The following HERC2 variants were observed in gnomAD, a reference collection of about 807,000 sequenced individuals.
HERC2 encodes the protein E3 ubiquitin-protein ligase HERC2.
A neutral mutation model predicts 537.7 loss-of-function variants in HERC2; 102 were observed. The observed-to-expected ratio is 0.19, with a 90% confidence interval of 0.16 to 0.22. HERC2 has a LOEUF of 0.22. Among genes scored for constraint, HERC2 ranks in the 10% least tolerant of loss-of-function variants. The probability of loss-of-function intolerance (pLI) is 1.00; values close to 1 mark genes in which losing one functional copy is unlikely to be tolerated. For missense variants in HERC2, 4,236 were observed against 6,198.2 expected, an observed-to-expected ratio of 0.68 and a Z score of 10.63; for synonymous variants, 2,224 against 2,466.2, an observed-to-expected ratio of 0.90 and a Z score of 2.91.
At chr15:28,310,896 C>T (rs1362909943) in intron 2 of HERC2, among the ~76,000 whole-genome samples, 7 of 151,664 alleles carry the variant, frequency 4.6e-5, no homozygotes, top group Admixed American at 6.6e-5. Flanking sequence ...GCTAACACAG[C>T]GAAACCCCAT....
chr15:28,112,173 T>C, intron 92 of HERC2, 138 bp from the exon 93 acceptor site: 2 of 794,270 alleles, frequency 2.5e-6, no homozygotes, highest in African/African-American at 3.4e-5. Context: ...TCCAAACAAC[T>C]TTAGGAGTAA....
chr15:28,215,530 T>C, intron 39 of HERC2, 91 bp downstream of exon 39: 1 of 1,063,580 alleles, frequency 9.4e-7, no homozygotes, highest in Non-Finnish European at 1.4e-6. Flanking sequence ...CTGCACTCGT[T>C]ACTGAATAAA....
chr15:28,240,838 T>C (rs890168546), intron 23 of HERC2, among the ~76,000 whole-genome samples: 2 of 151,982 alleles, frequency 1.3e-5, no homozygotes, highest in African/African-American at 2.4e-5. Flanking sequence ...AATCCAGACA[T>C]GCACATGTAA....
chr15:28,154,785 C>T (rs79476584), intron 69 of HERC2, among the ~76,000 whole-genome samples: 1 of 152,024 alleles, frequency 6.6e-6, no homozygotes, highest in Non-Finnish European at 1.5e-5. Context: ...TTTTATTATA[C>T]TTTAAGTTCT....
chr15:28,171,154 G>A (rs7495114), intron 65 of HERC2, among the ~76,000 whole-genome samples: 10,438 of 152,242 alleles, frequency 0.069, 882 homozygotes, highest in East Asian at 0.42. Flanking sequence ...TTATTTTCAC[G>A]TAAAGTAAAT....
intron 64 of HERC2, among the ~76,000 whole-genome samples, chr15:28,174,838 T>A (rs1274881175): frequency 6.6e-6 from 1 of 152,118 alleles, no homozygotes; most frequent in Non-Finnish European, 1.5e-5. Context: ...CTAATACCTA[T>A]AAAAGGAGTA....
chr15:28,284,103 T>C (rs1281945360), intron 4 of HERC2, among the ~76,000 whole-genome samples: 1 of 152,192 alleles, frequency 6.6e-6, no homozygotes, highest in Non-Finnish European at 1.5e-5. Flanking sequence ...TACTTATGAA[T>C]GGAATTTTCA....
chr15:28,163,035 G>A (rs1426001577), intron 69 of HERC2, 59 bp downstream of exon 69: 8 of 1,410,026 alleles, frequency 5.7e-6, no homozygotes, highest in Non-Finnish European at 7.8e-6. Flanking sequence ...CTTTGGAGAG[G>A]AGGGTGGCCC....
chr15:28,310,501 AAGTGAG>A (rs1421951303), intron 2 of HERC2, among the ~76,000 whole-genome samples: 2 of 152,160 alleles, frequency 1.3e-5, no homozygotes, highest in Non-Finnish European at 2.9e-5. Context: ...TAAAATTAAA[AAGTGAG>A]CCGAAAACAT....
chr15:28,298,036 T>TGTGTGTGA (rs534030524), intron 3 of HERC2, among the ~76,000 whole-genome samples: 4 of 131,660 alleles, frequency 3.0e-5, no homozygotes, highest in South Asian at 2.6e-4. Context: ...TGTGTGTGTG[T>TGTGTGTGA]GTGAATATTT....
intron 85 of HERC2, among the ~76,000 whole-genome samples, chr15:28,123,607 T>C (rs1889158468): frequency 6.6e-6 from 1 of 152,238 alleles, no homozygotes; most frequent in Admixed American, 6.5e-5. Flanking sequence ...CGAGGTGATA[T>C]ATCTGTGACT....
At position 28,212,546 on chromosome 15, in the gene HERC2, A is replaced by T. The variant is rs976645934; in HGVS notation, c.6824T>A (p.Phe2275Tyr). 1 of 1,579,582 alleles carries T rather than the reference A, an allele frequency of 6.3e-7. No individual in the cohort carries two copies. The highest frequency in any genetic ancestry group is 1.3e-5 in the African/African-American group (1 of 74,194). ...AVAFNVNNLPFTEPMLSVWAQ... is the reference protein window; with the variant it reads ...AVAFNVNNLPYTEPMLSVWAQ... ...CCAGACAGACAGCATGGGCTCTGTG[A>T]AGGGCAGGTTGTTCACATTAAAGGC... Residue 2275 changes from phenylalanine to tyrosine, a missense_variant, in exon 43 of 93, where the codon TTC becomes TAC. Transcript: ENST00000261609.
In HERC2 at chr15:28,201,486, A is replaced by C. The variant is rs1897901670; in HGVS notation, c.7686T>G (p.Asp2562Glu). ...TATTCTCTCTCACATATACAGCATA[A>C]TCATCATTACTCAAGAAATCAGCTC... ...KKRADFLSND[D>E]YAVYVRENIQ... Residue 2562 changes from aspartate to glutamate, a missense_variant, in exon 48 of 93, where the codon GAT becomes GAG. Asp to Glu is a conservative substitution (Grantham distance 45). Transcript: ENST00000261609. 6.2e-7 allele frequency: 1 copy of C among 1,611,122 alleles called. No homozygotes were observed. The highest frequency in any genetic ancestry group is 8.5e-7 in the Non-Finnish European group (1 of 1,177,380).
Position 28,218,583 on chromosome 15 carries a change from A to C in HERC2, c.5934T>G (p.Ala1978=), listed in dbSNP as rs1211601196. The C allele has an allele frequency of 6.3e-7, 1 of 1,597,390 alleles. No individual in the cohort carries two copies. The highest frequency in any genetic ancestry group is 1.3e-5 in the African/African-American group (1 of 74,820). Residue 1978 remains alanine, a synonymous_variant, in exon 38 of 93, where the codon GCT becomes GCG. Coordinates refer to ENST00000261609, the MANE Select transcript of HERC2 (RefSeq NM_004667.6). The part of the protein sequence containing the change: ...INLLQTLCLS[A]GVHAEIMQSE... The stretch of plus-strand genomic sequence containing the variant: ...TCTGCATGATCTCAGCATGAACTCC[A>C]GCAGACAGACAAAGAGTCTGCAGTA...
chr15:28,219,044 C>T (rs1431432678), intron 37 of HERC2, among the ~76,000 whole-genome samples: 2 of 152,194 alleles, frequency 1.3e-5, no homozygotes, highest in African/African-American at 4.8e-5. Context: ...GCACCCTGAT[C>T]ATTTTCTGTT....
chr15:28,251,890 T>A (rs2075095345), intron 20 of HERC2, among the ~76,000 whole-genome samples: 1 of 152,170 alleles, frequency 6.6e-6, no homozygotes. Flanking sequence ...ATAAGAAAAA[T>A]TATTGAGATA....
At chr15:28,188,106 T>C (rs1169454389) in intron 55 of HERC2, among the ~76,000 whole-genome samples, 2 of 152,154 alleles carry the variant, frequency 1.3e-5, no homozygotes, top group Admixed American at 6.5e-5. Context: ...ACTCAGTTTT[T>C]TTTTTCTTTA....
intron 2 of HERC2, among the ~76,000 whole-genome samples, chr15:28,318,311 T>C (rs1326653931): frequency 6.6e-6 from 1 of 152,182 alleles, no homozygotes; most frequent in African/African-American, 2.4e-5. Context: ...GGTGATTCAA[T>C]CACTCCACAC....
intron 78 of HERC2, among the ~76,000 whole-genome samples, 167 bp from the exon 79 acceptor site, chr15:28,135,859 C>A (rs1217366289): frequency 6.6e-6 from 1 of 152,130 alleles, no homozygotes; most frequent in African/African-American, 2.4e-5. Flanking sequence ...CATGCTCTAT[C>A]AAAGTTCTAG....
Sources: allele counts gnomAD v4.1 joint callset (sites outside exome capture counted in the v4.1 genomes callset), GRCh38; gene constraint gnomAD v4.1.1; transcripts MANE v1.5; gene names NCBI Gene and HGNC (gene_info 2026-07-23, HGNC 2026-07-21).